The following SLIT3 variants were observed in gnomAD, a reference collection of about 807,000 sequenced individuals.
SLIT3 encodes the protein slit guidance ligand 3, also known as slit homolog 3 protein.
A neutral mutation model predicts 184.0 loss-of-function variants in SLIT3; 68 were observed. That is an observed-to-expected ratio of 0.37 (90% CI 0.30 to 0.45). The LOEUF (loss-of-function observed/expected upper bound fraction) is 0.45, where lower values mean the gene tolerates loss of function less well. Ranked by LOEUF, SLIT3 falls within the 20% of genes least tolerant of loss-of-function variation. The pLI is 1.00. For synonymous variants in SLIT3, 831 were observed against 828.6 expected (o/e 1.00, Z -0.05); for missense variants, 1,707 against 2,026.0 (o/e 0.84, Z 3.02).
intron 31 of SLIT3, 90 bp from the exon 32 acceptor site, chr5:168,684,186 G>T: frequency 1.5e-6 from 2 of 1,313,882 alleles, no homozygotes; most frequent in Non-Finnish European, 2.0e-6. Context: ...CCAGGCAGCA[G>T]CTTCTGAATC....
At chr5:169,013,590 A>G (rs1033104030) in intron 4 of SLIT3, among the ~76,000 whole-genome samples, 12 of 152,054 alleles carry the variant, frequency 7.9e-5, no homozygotes, top group Non-Finnish European at 1.6e-4. Context: ...AGATTGGGTT[A>G]CTCCACTTTC....
intron 5 of SLIT3, among the ~76,000 whole-genome samples, chr5:168,876,322 T>A (rs570887899): frequency 6.6e-6 from 1 of 152,294 alleles, no homozygotes; most frequent in African/African-American, 2.4e-5. Flanking sequence ...CCACTGCTGC[T>A]GAAGCTGTTT....
intron 5 of SLIT3, among the ~76,000 whole-genome samples, chr5:168,882,401 C>G (rs571134565): frequency 1.3e-5 from 2 of 152,136 alleles, no homozygotes; most frequent in East Asian, 3.9e-4. Flanking sequence ...GGTAGGAAAT[C>G]GTCAAAGTTC....
At chr5:168,919,246 C>T (rs1380084362) in intron 4 of SLIT3, among the ~76,000 whole-genome samples, 3 of 141,288 alleles carry the variant, frequency 2.1e-5, no homozygotes, top group African/African-American at 5.3e-5. Flanking sequence ...GGGGACACAG[C>T]GAGACTCCAT....
intron 4 of SLIT3, among the ~76,000 whole-genome samples, chr5:168,885,417 A>C (rs1352286365): frequency 6.6e-6 from 1 of 152,244 alleles, no homozygotes; most frequent in Non-Finnish European, 1.5e-5. Flanking sequence ...CCACGATGAC[A>C]GCAGAGGTCA....
Position 169,138,272 on chromosome 5 carries a change from A to T in SLIT3, c.413+55207T>A, listed in dbSNP as rs190837115. Among the ~76,000 whole-genome samples the T allele has an allele frequency of 5.3e-5, 8 of 152,304 alleles. No individual in the cohort carries two copies. In the East Asian group the frequency reaches 1.4e-3, roughly 26 times the overall value. On this transcript the variant is annotated intron_variant, in intron 4 of 35. Transcript: ENST00000519560. Reference sequence around the variant, plus strand: ...CTTATACCCCACCCTGTCCTGGGCGATGTGACCTACAGCCAATGACTGGTG... The same window carrying T: ...CTTATACCCCACCCTGTCCTGGGCGTTGTGACCTACAGCCAATGACTGGTG...
chr5:169,248,764 T>C (rs1467572195), intron 2 of SLIT3, among the ~76,000 whole-genome samples: 1 of 152,174 alleles, frequency 6.6e-6, no homozygotes, highest in African/African-American at 2.4e-5. Context: ...AGCAGAGCCC[T>C]TAGACTGCCA....
At chr5:168,673,938 A>AT (rs1467595690) in intron 32 of SLIT3, among the ~76,000 whole-genome samples, 1 of 152,130 alleles carries the variant, frequency 6.6e-6, no homozygotes, top group Admixed American at 6.6e-5. Flanking sequence ...CTGGACCACT[A>AT]TTTACTCAAC....
At chr5:169,239,269 A>C (rs546289533) in intron 3 of SLIT3, among the ~76,000 whole-genome samples, 1 of 152,292 alleles carries the variant, frequency 6.6e-6, no homozygotes, top group South Asian at 2.1e-4. Context: ...ATTTGTAAAA[A>C]TATTCATGAA....
chr5:169,015,972 A>C (rs879419774), intron 4 of SLIT3, among the ~76,000 whole-genome samples: 1,904 of 126,050 alleles, frequency 0.015, 21 homozygotes, highest in Middle Eastern at 0.044. Context: ...ACACACACAC[A>C]CACACACACA....
chr5:168,765,145 G>A (rs948414770), intron 14 of SLIT3, among the ~76,000 whole-genome samples: 54 of 152,178 alleles, frequency 3.5e-4, no homozygotes, highest in Admixed American at 2.7e-3. Flanking sequence ...TCTTCAAGGC[G>A]ATGAGCCTGA....
intron 4 of SLIT3, among the ~76,000 whole-genome samples, chr5:169,003,692 T>C (rs17666714): frequency 6.6e-6 from 1 of 152,196 alleles, no homozygotes; most frequent in East Asian, 1.9e-4. Context: ...TGGGAGACTA[T>C]AAAGATATAA....
At chr5:168,671,707 T>C (rs1478392277) in intron 33 of SLIT3, among the ~76,000 whole-genome samples, 1 of 152,206 alleles carries the variant, frequency 6.6e-6, no homozygotes, top group African/African-American at 2.4e-5. Context: ...TGCCAATATG[T>C]AATATTAGAA....
At chr5:168,761,616 G>A (rs1755149597) in intron 15 of SLIT3, among the ~76,000 whole-genome samples, 1 of 152,064 alleles carries the variant, frequency 6.6e-6, no homozygotes, top group African/African-American at 2.4e-5. Context: ...CAGATCCAAG[G>A]AGCAAATGGC....
chr5:168,753,033 C>G lies in SLIT3; in HGVS notation c.1895G>C (p.Arg632Thr), dbSNP rs1184224433. Reference protein sequence around the residue: ...NDTFAGLSSVRLLSLYDNRIT... With the variant: ...NDTFAGLSSVTLLSLYDNRIT... The stretch of plus-strand genomic sequence containing the variant: ...CCGATTGTCATAGAGGGACAGCAGT[C>G]TCACCGAACTCAGGCCGGCAAAGGT... The change falls in exon 18 of 36, where the codon AGA becomes ACA. Residue 632 changes from arginine to threonine, a missense_variant. Arg to Thr is a moderately conservative substitution (Grantham distance 71). This residue lies in a region of SLIT3 where 1,307 missense variants were observed against 1,511.6 expected (regional missense o/e 0.86). Coordinates refer to ENST00000519560, the MANE Select transcript of SLIT3 (RefSeq NM_003062.4). 9.3e-6 allele frequency: 15 copies of G among 1,614,074 alleles called. No individual in the cohort carries two copies. Among genetic ancestry groups the G allele is most frequent in the Non-Finnish European group, 1.3e-5 (15 of 1,179,980 alleles).
intron 32 of SLIT3, among the ~76,000 whole-genome samples, chr5:168,679,823 G>T (rs1669320119): frequency 1.3e-5 from 2 of 152,132 alleles, no homozygotes; most frequent in South Asian, 4.1e-4. Context: ...AACTGACCCG[G>T]ATTTAAATCC....
At chr5:169,113,292 G>C (rs1158739759) in intron 4 of SLIT3, among the ~76,000 whole-genome samples, 2 of 151,966 alleles carry the variant, frequency 1.3e-5, no homozygotes, top group African/African-American at 4.8e-5. Flanking sequence ...TTCTACTCTA[G>C]GTACCTCACA....
chr5:169,076,897 C>T (rs1313844639), intron 4 of SLIT3, among the ~76,000 whole-genome samples: 2 of 151,804 alleles, frequency 1.3e-5, no homozygotes, highest in African/African-American at 4.8e-5. Context: ...AAAAATATGC[C>T]CCAATTTTAT....
intron 5 of SLIT3, among the ~76,000 whole-genome samples, chr5:168,876,132 C>T (rs1326276621): frequency 6.6e-6 from 1 of 152,078 alleles, no homozygotes; most frequent in Non-Finnish European, 1.5e-5. Flanking sequence ...GGTTGATAAG[C>T]CCTGGTAACA....
Sources: allele counts gnomAD v4.1 joint callset (sites outside exome capture counted in the v4.1 genomes callset), GRCh38; gene constraint gnomAD v4.1.1; regional missense constraint gnomAD v4.1.1; transcripts MANE v1.5; gene names NCBI Gene and HGNC (gene_info 2026-07-23, HGNC 2026-07-21).